The following IGSF10 variants were observed in gnomAD, a reference collection of about 807,000 sequenced individuals.
The protein encoded by IGSF10 is immunoglobulin superfamily member 10, also known as calvaria mechanical force protein 608.
Under a neutral mutation model 128.2 loss-of-function variants are expected in IGSF10, and 126 were observed. The ratio of observed to expected loss-of-function variants is 0.98; its 90% CI spans 0.85 to 1.14. The LOEUF is 1.14. Among genes scored for constraint, IGSF10 ranks in the 50% most tolerant of loss-of-function variants. The pLI is 0.00. For missense variants in IGSF10, 3,295 were observed against 3,149.8 expected (o/e 1.05, Z -1.10); for synonymous variants, 1,185 against 1,146.2 (o/e 1.03, Z -0.68).
At chr3:151,488,051 A>G in the IGSF10 span, among the ~76,000 whole-genome samples, 6 of 152,206 alleles carry the variant, frequency 3.9e-5, no homozygotes, top group Non-Finnish European at 8.8e-5. Flanking sequence ...CTCTGTTTGC[A>G]GATGACATGA....
the IGSF10 span, among the ~76,000 whole-genome samples, chr3:151,561,703 T>C: frequency 1.3e-5 from 2 of 152,132 alleles, no homozygotes; most frequent in Admixed American, 1.3e-4. Context: ...TATATACATC[T>C]GTTACCATTT....
chr3:151,465,516 C>T (rs1196712220), upstream of IGSF10, among the ~76,000 whole-genome samples: 1 of 152,178 alleles, frequency 6.6e-6, no homozygotes, highest in Non-Finnish European at 1.5e-5. Context: ...GGAGATGCAC[C>T]TAAGAGATTT....
intron 7 of IGSF10, among the ~76,000 whole-genome samples, chr3:151,439,236 A>C (rs1720685289): frequency 6.6e-6 from 1 of 152,206 alleles, no homozygotes; most frequent in Non-Finnish European, 1.5e-5. Flanking sequence ...ATATAGGTAA[A>C]CTCAGTTGCT....
the IGSF10 span, among the ~76,000 whole-genome samples, chr3:151,616,776 C>T: frequency 1.5e-4 from 23 of 152,280 alleles, no homozygotes; most frequent in Middle Eastern, 3.4e-3. Context: ...GAAACCTCTA[C>T]GAAATGCGTC....
At chr3:151,613,395 G>A in the IGSF10 span, among the ~76,000 whole-genome samples, 4 of 152,116 alleles carry the variant, frequency 2.6e-5, no homozygotes, top group East Asian at 3.9e-4. Flanking sequence ...GAACAAAGCT[G>A]GAGGCATCAC....
the IGSF10 span, among the ~76,000 whole-genome samples, chr3:151,549,299 C>T: frequency 7.2e-5 from 11 of 152,080 alleles, no homozygotes; most frequent in Admixed American, 7.2e-4. Context: ...TTCCTTACCT[C>T]GATCTGTGCC....
rs780839684 is a variant in IGSF10 at position 151,448,664 on chromosome 3, G to A, written c.1317C>T (p.Asn439=). The A allele has an allele frequency of 2.4e-5, 39 of 1,614,092 alleles. No homozygotes were observed. Among genetic ancestry groups the A allele is most frequent in the Non-Finnish European group, 3.3e-5 (39 of 1,179,998 alleles). Residue 439 remains asparagine (N), a synonymous_variant, in exon 6 of 8, where the codon AAC becomes AAT. Coordinates refer to ENST00000282466, the MANE Select transcript of IGSF10 (RefSeq NM_178822.5). The part of the protein sequence containing the change: ...LMQDQISLQL[N]RTATTFSTLQ... ...ATGTACTGAATGTGGTGGCAGTTCTGTTCAGCTGCAAGGAAATTTGGTCTT... is the reference window on the plus strand; with the variant it reads ...ATGTACTGAATGTGGTGGCAGTTCTATTCAGCTGCAAGGAAATTTGGTCTT...
At chr3:151,484,629 C>T in the IGSF10 span, among the ~76,000 whole-genome samples, 1 of 151,666 alleles carries the variant, frequency 6.6e-6, no homozygotes, top group East Asian at 1.9e-4. Flanking sequence ...TGCTGTTCTG[C>T]AGCCTCTGCC....
chr3:151,558,519 A>AT, the IGSF10 span, among the ~76,000 whole-genome samples: 118 of 148,308 alleles, frequency 8.0e-4, no homozygotes, highest in African/African-American at 2.2e-3. Context: ...CCATGAATAC[A>AT]TTTTTTTTTT....
At chr3:151,444,402 G>A (rs1721060290) in intron 6 of IGSF10, among the ~76,000 whole-genome samples, 2 of 152,190 alleles carry the variant, frequency 1.3e-5, no homozygotes, top group South Asian at 4.1e-4. Context: ...CCGCCTCCCA[G>A]GTTCGAGCAA....
chr3:151,603,293 A>G, the IGSF10 span, among the ~76,000 whole-genome samples: 1 of 152,320 alleles, frequency 6.6e-6, no homozygotes, highest in Non-Finnish European at 1.5e-5. Context: ...TCTGTGCCTC[A>G]ATGTTTTCAT....
chr3:151,513,216 A>G, the IGSF10 span, among the ~76,000 whole-genome samples: 3 of 152,232 alleles, frequency 2.0e-5, no homozygotes, highest in African/African-American at 7.2e-5. Context: ...AAAATCCTCA[A>G]TAAAACACTG....
downstream of IGSF10, chr3:151,432,930 G>A: frequency 1.5e-6 from 1 of 664,232 alleles, no homozygotes; most frequent in Non-Finnish European, 2.3e-6. Flanking sequence ...TATATTTTAT[G>A]CTACATCTCA....
chr3:151,463,554 T>G (rs1370568063), upstream of IGSF10, among the ~76,000 whole-genome samples: 32 of 112,866 alleles, frequency 2.8e-4, 2 homozygotes, highest in South Asian at 1.2e-3. Context: ...TTTTTTTTTT[T>G]TTTTTTTCTG....
chr3:151,472,157 G>A, the IGSF10 span, among the ~76,000 whole-genome samples: 64 of 152,244 alleles, frequency 4.2e-4, 1 homozygote, highest in East Asian at 6.2e-3. Flanking sequence ...ACTTGTCAAA[G>A]CAATAATCCT....
the IGSF10 span, among the ~76,000 whole-genome samples, chr3:151,613,625 T>C: frequency 6.6e-6 from 1 of 152,088 alleles, no homozygotes; most frequent in East Asian, 1.9e-4. Flanking sequence ...TAGCCATATG[T>C]AGAAAGCTGA....
At chr3:151,583,042 C>G in the IGSF10 span, among the ~76,000 whole-genome samples, 5 of 152,192 alleles carry the variant, frequency 3.3e-5, no homozygotes, top group African/African-American at 1.2e-4. Flanking sequence ...CTACTGAGAT[C>G]TGTGGTAATG....
the IGSF10 span, among the ~76,000 whole-genome samples, chr3:151,612,738 C>A: frequency 6.6e-6 from 1 of 151,832 alleles, no homozygotes; most frequent in Non-Finnish European, 1.5e-5. Flanking sequence ...AGATAAAGAC[C>A]AAAAATTCTC....
chr3:151,526,237 A>G, the IGSF10 span, among the ~76,000 whole-genome samples: 2 of 152,054 alleles, frequency 1.3e-5, no homozygotes, highest in Non-Finnish European at 2.9e-5. Flanking sequence ...TTCTTGTCAG[A>G]GCTCCACAGT....
Sources: gnomAD v4.1 joint callset for allele counts (sites outside exome capture counted in the v4.1 genomes callset) on GRCh38, gnomAD v4.1.1 for gene constraint, MANE v1.5 for transcripts, NCBI Gene and HGNC (gene_info 2026-07-23, HGNC 2026-07-21) for gene names.